TBCEL: variants seen among roughly 807,000 people sequenced by gnomAD.
TBCEL encodes the protein tubulin folding cofactor E like.
TBCEL carries 15 observed loss-of-function variants against 44.2 expected under a neutral mutation model. That is an observed-to-expected ratio of 0.34 (90% CI 0.23 to 0.52). The LOEUF (loss-of-function observed/expected upper bound fraction) is 0.52. TBCEL is among the 20% of genes least tolerant of loss of function. The pLI is 0.95. For missense variants in TBCEL, 319 were observed against 506.3 expected (o/e 0.63, Z 3.55); for synonymous variants, 171 against 185.4 (o/e 0.92, Z 0.63).
chr11:121,089,936 G>A lies in TBCEL; in HGVS notation c.*2840G>A, dbSNP rs1416024995. On this transcript the variant is annotated 3_prime_UTR_variant, in exon 9 of 9. Transcript: ENST00000683345. ...GGATCCTTTCTACATGTGGGTGAACGGCTGCTAAAGCCACAGTAGAAACCA... is the reference window on the plus strand; with the variant it reads ...GGATCCTTTCTACATGTGGGTGAACAGCTGCTAAAGCCACAGTAGAAACCA... 4 of 152,072 alleles carry A rather than the reference G, an allele frequency of 2.6e-5. No homozygotes were observed. The highest frequency in any genetic ancestry group is 2.1e-4 in the South Asian group (1 of 4,826). The allele number at this position is 152,072 out of a possible 1,614,324, so 9.4% of individuals were successfully genotyped here. A position where few individuals can be genotyped will look rare whatever the true frequency, so the allele number is the denominator to read the frequency against.
At chr11:121,049,935 T>C (rs1156541859) in intron 4 of TBCEL, among the ~76,000 whole-genome samples, 1 of 151,830 alleles carries the variant, frequency 6.6e-6, no homozygotes, top group Non-Finnish European at 1.5e-5. Context: ...ATTTATACTG[T>C]ATTTATACTC....
rs552976151 is a variant in TBCEL at position 121,050,183 on chromosome 11, G to A, written c.273+2516G>A. Among the ~76,000 whole-genome samples the A allele has an allele frequency of 2.0e-5, 3 of 151,802 alleles. No homozygotes were observed. The East Asian group carries it at 5.8e-4, about 29-fold the overall frequency. On this transcript the variant is annotated intron_variant, in intron 4 of 8. Coordinates refer to ENST00000683345, the MANE Select transcript of TBCEL (RefSeq NM_001363644.2). ...ATTTTTAGGATTGATTAAACTCTTG[G>A]CCAGGCTACAAATGCTTCATAGGTC...
chr11:121,034,468 A>G (rs1164397538), intron 1 of TBCEL, among the ~76,000 whole-genome samples: 1 of 152,184 alleles, frequency 6.6e-6, no homozygotes, highest in African/African-American at 2.4e-5. Context: ...AGCCGTAGCT[A>G]TGAAGAATTT....
intron 8 of TBCEL, among the ~76,000 whole-genome samples, chr11:121,060,830 T>G (rs1177177755): frequency 6.6e-6 from 1 of 152,016 alleles, no homozygotes; most frequent in African/African-American, 2.4e-5. Flanking sequence ...AATACCCATT[T>G]GACTGGAGGA....
rs143551969 is a variant in TBCEL at position 121,073,384 on chromosome 11, G to T, written c.956+13299G>T. Among the ~76,000 whole-genome samples, 36 of 151,336 alleles carry T rather than the reference G, an allele frequency of 2.4e-4. 1 individual carries two copies. In the East Asian group the frequency reaches 5.8e-3, roughly 25 times the overall value. ...GCATTTTTGTTAAGTTTCTTTTTAG[G>T]TATCTTAAACATTTTGTTGCTATTT... is the stretch of plus-strand genomic sequence containing the variant. On this transcript the variant is annotated intron_variant, in intron 8 of 8. Transcript: ENST00000683345.
chr11:121,030,356 A>C (rs565410913), intron 1 of TBCEL, among the ~76,000 whole-genome samples: 2 of 152,304 alleles, frequency 1.3e-5, no homozygotes, highest in East Asian at 3.9e-4. Flanking sequence ...CTGCATGTGA[A>C]GGGGAGCCAT....
At chr11:121,024,567 G>C (rs1340574904) in intron 1 of TBCEL, among the ~76,000 whole-genome samples, 2 of 151,626 alleles carry the variant, frequency 1.3e-5, no homozygotes, top group Non-Finnish European at 2.9e-5. Context: ...CTGGTCCCGG[G>C]TTGGAGGAGG....
chr11:121,044,588 T>G (rs774425468), intron 2 of TBCEL, among the ~76,000 whole-genome samples: 1 of 152,284 alleles, frequency 6.6e-6, no homozygotes, highest in South Asian at 2.1e-4. Context: ...GCCTGATACC[T>G]AATAGTTGAA....
At chr11:121,034,256 A>G (rs1565491292) in intron 1 of TBCEL, among the ~76,000 whole-genome samples, 1 of 152,168 alleles carries the variant, frequency 6.6e-6, no homozygotes, top group East Asian at 1.9e-4. Context: ...AGCAGCACCT[A>G]TTGTTCTGAA....
chr11:121,074,637 T>C (rs1946000757), intron 8 of TBCEL, among the ~76,000 whole-genome samples: 1 of 151,970 alleles, frequency 6.6e-6, no homozygotes, highest in Non-Finnish European at 1.5e-5. Context: ...TGTACATTCC[T>C]GAATTTTGAC....
chr11:121,073,210 A>G (rs1412807603), intron 8 of TBCEL, among the ~76,000 whole-genome samples: 1 of 152,032 alleles, frequency 6.6e-6, no homozygotes, highest in Non-Finnish European at 1.5e-5. Context: ...TTTTGATTAC[A>G]TTGAATTTTA....
In TBCEL at chr11:121,090,103, G is replaced by A. The variant is rs1300974023; in HGVS notation, c.*3007G>A. 6.6e-6 allele frequency: 1 copy of A among 152,124 alleles called. No homozygotes were observed. Among genetic ancestry groups the A allele is most frequent in the Non-Finnish European group, 1.5e-5 (1 of 68,014 alleles). The allele number at this position is 152,124 out of a possible 1,614,324, so 9.4% of individuals were successfully genotyped here. A position where few individuals can be genotyped will look rare whatever the true frequency, so the allele number is the denominator to read the frequency against. On this transcript the variant is annotated 3_prime_UTR_variant, in exon 9 of 9. Transcript: ENST00000683345. ...CGTAAGAAAGCAGCAGATAGTATAAGCCCCTAGTTATTAAGACTTCTCAGT... is the reference window on the plus strand; with the variant it reads ...CGTAAGAAAGCAGCAGATAGTATAAACCCCTAGTTATTAAGACTTCTCAGT...
chr11:121,070,451 T>C (rs917960541), intron 8 of TBCEL, among the ~76,000 whole-genome samples: 9 of 152,052 alleles, frequency 5.9e-5, no homozygotes, highest in Admixed American at 1.3e-4. Flanking sequence ...TTGGAACCAA[T>C]CCAAATGTCC....
intron 4 of TBCEL, among the ~76,000 whole-genome samples, chr11:121,050,653 A>C (rs982204205): frequency 6.6e-6 from 1 of 151,646 alleles, no homozygotes; most frequent in Non-Finnish European, 1.5e-5. Context: ...AATTAAACCT[A>C]GTGGTTGAGA....
chr11:121,059,720 C>G (rs1195339788), intron 7 of TBCEL, among the ~76,000 whole-genome samples: 1 of 151,814 alleles, frequency 6.6e-6, no homozygotes, highest in East Asian at 1.9e-4. Flanking sequence ...GACAGTGCTG[C>G]CTAGAATCTT....
At chr11:121,037,853 T>C (rs1472440457) in intron 2 of TBCEL, among the ~76,000 whole-genome samples, 1 of 152,202 alleles carries the variant, frequency 6.6e-6, no homozygotes, top group Non-Finnish European at 1.5e-5. Flanking sequence ...ATAATACTTA[T>C]TTACATTATT....
intron 8 of TBCEL, among the ~76,000 whole-genome samples, chr11:121,070,007 C>T (rs1421513473): frequency 6.6e-6 from 1 of 151,990 alleles, no homozygotes; most frequent in African/African-American, 2.4e-5. Flanking sequence ...AACAAATTTA[C>T]AAGAAAAAAT....
intron 4 of TBCEL, among the ~76,000 whole-genome samples, chr11:121,051,447 G>A (rs1454126850): frequency 6.6e-6 from 1 of 150,390 alleles, no homozygotes; most frequent in South Asian, 2.1e-4. Context: ...CATAATTCCT[G>A]TCCCCCTCCA....
intron 1 of TBCEL, chr11:121,035,802 T>G (rs1189222951): frequency 6.6e-6 from 1 of 152,236 alleles, no homozygotes; most frequent in African/African-American, 2.4e-5. Context: ...AGAATCTTGC[T>G]TTTTGGAAGG....
Sources: allele counts gnomAD v4.1 joint callset (sites outside exome capture counted in the v4.1 genomes callset), GRCh38; gene constraint gnomAD v4.1.1; transcripts MANE v1.5; gene names NCBI Gene and HGNC (gene_info 2026-07-23, HGNC 2026-07-21).